The following SHBG variants were observed in gnomAD, a reference collection of about 807,000 sequenced individuals.
SHBG encodes the protein sex hormone-binding globulin.
SHBG carries 37 observed loss-of-function variants against 41.9 expected under a neutral mutation model. The ratio of observed to expected loss-of-function variants is 0.88; its 90% CI spans 0.68 to 1.16. The LOEUF (loss-of-function observed/expected upper bound fraction) is 1.16, where lower values mean the gene tolerates loss of function less well. SHBG is among the 50% of genes most tolerant of loss of function. The pLI is 0.00. For missense variants in SHBG, 466 were observed against 499.9 expected, an observed-to-expected ratio of 0.93 and a Z score of 0.65; for synonymous variants, 217 against 205.8, an observed-to-expected ratio of 1.05 and a Z score of -0.47.
At chr17:7,614,177 A>T (rs1048982858) in intron 1 of SHBG, 4 of 657,078 alleles carry the variant, frequency 6.1e-6, no homozygotes, top group Admixed American at 2.1e-5. Context: ...TCTCCTGCGG[A>T]GCGGGGAGCG....
Position 7,632,811 on chromosome 17 carries a change from C to A in SHBG, c.912C>A (p.Leu304=), listed in dbSNP as rs1412436496. 6.2e-7 allele frequency: 1 copy of A among 1,614,134 alleles called. No individual in the cohort carries two copies. The highest frequency in any genetic ancestry group is 1.1e-5 in the South Asian group (1 of 91,072). ...PGLDLPLVLG[L]PLQLKLSMSR... ...TGGATCTGCCCCTGGTCTTGGGACTCCCTCTTCAGCTGAAGCTGAGTATGT... is the reference window on the plus strand; with the variant it reads ...TGGATCTGCCCCTGGTCTTGGGACTACCTCTTCAGCTGAAGCTGAGTATGT... Residue 304 remains leucine, a synonymous_variant, in exon 7 of 8, where the codon CTC becomes CTA. Transcript: ENST00000380450.
intron 1 of SHBG, among the ~76,000 whole-genome samples, chr17:7,620,679 G>A (rs1375518904): frequency 6.6e-6 from 1 of 151,078 alleles, no homozygotes; most frequent in African/African-American, 2.4e-5. Flanking sequence ...TACCCAGGCT[G>A]GAGTGCAATG....
upstream of SHBG, chr17:7,629,995 G>T (rs945484906): frequency 2.9e-6 from 2 of 678,530 alleles, no homozygotes; most frequent in East Asian, 2.7e-5. Flanking sequence ...CCCCAGAGGG[G>T]TGATAGCTGA....
rs1223455552 is a variant in SHBG at position 7,630,412 on chromosome 17, A to G, written c.112-4A>G. ...CAGCTTTGTTTGTTTTCTCTTTCTGATAGAGTGCCCACGACCCTCCGGCTG... is the reference window on the plus strand; with the variant it reads ...CAGCTTTGTTTGTTTTCTCTTTCTGGTAGAGTGCCCACGACCCTCCGGCTG... On this transcript the variant is annotated splice_polypyrimidine_tract_variant and splice_region_variant and intron_variant, in intron 1 of 7. Transcript: ENST00000380450. The surrounding 1 kb of genome is among the most constrained non-coding windows in gnomAD (Gnocchi z 4.6). 2.5e-6 allele frequency: 4 copies of G among 1,613,594 alleles called. No homozygotes were observed. The highest frequency in any genetic ancestry group is 1.7e-5 in the Admixed American group (1 of 59,994).
intron 3 of SHBG, 41 bp from the exon 4 acceptor site, chr17:7,631,157 CAG>C: frequency 6.7e-7 from 1 of 1,497,188 alleles, no homozygotes; most frequent in Non-Finnish European, 8.9e-7. Context: ...GTGGCAGAAA[CAG>C]ATCCCAGGGG....
chr17:7,618,938 T>G (rs1284304296), intron 1 of SHBG, among the ~76,000 whole-genome samples: 1 of 152,086 alleles, frequency 6.6e-6, no homozygotes, highest in East Asian at 1.9e-4. Context: ...AGAGATTAAT[T>G]AAGGGAGAAT....
upstream of SHBG, among the ~76,000 whole-genome samples, chr17:7,625,814 C>G (rs541132889): frequency 4.6e-5 from 7 of 151,650 alleles, no homozygotes; most frequent in African/African-American, 1.7e-4. Context: ...TCACTTGAAC[C>G]CGGGAGGCGG....
intron 1 of SHBG, among the ~76,000 whole-genome samples, chr17:7,621,624 A>C (rs1030248837): frequency 2.0e-4 from 28 of 141,144 alleles, no homozygotes; most frequent in African/African-American, 6.7e-4. Flanking sequence ...AAAAAAAAAA[A>C]CCAGCTGCAT....
chr17:7,629,030 TG>T (rs1325243888), upstream of SHBG, among the ~76,000 whole-genome samples: 3 of 151,930 alleles, frequency 2.0e-5, no homozygotes, highest in Non-Finnish European at 4.4e-5. Context: ...CACTCCAGCC[TG>T]GGCAACAAAA....
chr17:7,615,419 T>C (rs2071956709), intron 1 of SHBG, among the ~76,000 whole-genome samples: 1 of 152,230 alleles, frequency 6.6e-6, no homozygotes, highest in Non-Finnish European at 1.5e-5. Context: ...CCTCTTCGCG[T>C]ATGCATCGCC....
chr17:7,619,637 C>T (rs2150956251), intron 1 of SHBG, among the ~76,000 whole-genome samples: 1 of 149,116 alleles, frequency 6.7e-6, no homozygotes, highest in South Asian at 2.1e-4. Flanking sequence ...ACCCGGGAGG[C>T]AGAGGTTGCC....
At chr17:7,618,543 G>T (rs1467960015) in intron 1 of SHBG, among the ~76,000 whole-genome samples, 1 of 152,040 alleles carries the variant, frequency 6.6e-6, no homozygotes, top group Non-Finnish European at 1.5e-5. Flanking sequence ...CTCACCTCAG[G>T]TGGGTCACCC....
chr17:7,626,512 C>T (rs1414439595), upstream of SHBG: 1 of 1,614,200 alleles, frequency 6.2e-7, no homozygotes, highest in South Asian at 1.1e-5. Flanking sequence ...CCCTCAGCTT[C>T]CGTCAGATCT....
upstream of SHBG, chr17:7,627,570 C>T (rs144967278): frequency 3.7e-6 from 6 of 1,610,044 alleles, no homozygotes; most frequent in South Asian, 6.6e-5. This position sits in a 1 kb window ranked among gnomAD's most constrained non-coding sequence, Gnocchi z 4.8. Context: ...CAGTCTTCAC[C>T]CGAATCAGCC....
Position 7,633,230 on chromosome 17 carries a change from C to T in SHBG, c.1087C>T (p.Leu363=). 2 of 1,614,090 alleles carry T rather than the reference C, an allele frequency of 1.2e-6. No individual in the cohort carries two copies. The highest frequency in any genetic ancestry group is 2.2e-5 in the South Asian group (2 of 91,078). Residue 363 remains leucine (L), a synonymous_variant, in exon 8 of 8, where the codon CTG becomes TTG. Transcript: ENST00000380450. Reference sequence around the variant, plus strand: ...AGAAGACTCTTCCACCTCTTTTTGCCTGAATGGCCTTTGGGCACAAGGTCA... The same window carrying T: ...AGAAGACTCTTCCACCTCTTTTTGCTTGAATGGCCTTTGGGCACAAGGTCA... ...PGEDSSTSFC[L]NGLWAQGQRL... is the part of the protein sequence containing the mutation.
chr17:7,628,597 A>C (rs931953554), upstream of SHBG, among the ~76,000 whole-genome samples: 3 of 151,856 alleles, frequency 2.0e-5, no homozygotes, highest in African/African-American at 7.3e-5. Flanking sequence ...AGGCATGGGC[A>C]ACCATACCTG....
intron 3 of SHBG, 82 bp from the exon 4 acceptor site, chr17:7,631,118 A>G: frequency 7.3e-7 from 1 of 1,375,248 alleles, no homozygotes; most frequent in African/African-American, 1.5e-5. Context: ...TGTTCTTTCC[A>G]CTATAGTACT....
chr17:7,628,204 G>C, upstream of SHBG: 17 of 448,066 alleles, frequency 3.8e-5, no homozygotes, highest in South Asian at 2.7e-4. Context: ...CTCTTGAGTA[G>C]CATGAAGTGT....
chr17:7,630,601 G>T lies in SHBG; in HGVS notation c.204-79G>T. On this transcript the variant is annotated intron_variant, in intron 2 of 7. Coordinates refer to ENST00000380450, the MANE Select transcript of SHBG (RefSeq NM_001040.5). This position sits in a 1 kb window ranked among gnomAD's most constrained non-coding sequence, Gnocchi z 4.6. ...TCCCTGTCTTCCTTTCCTTATCTGT[G>T]AACACCATCTCCCCCAAACCCACAC... 6.5e-7 allele frequency: 1 copy of T among 1,536,936 alleles called. No homozygotes were observed. The highest frequency in any genetic ancestry group is 1.1e-5 in the South Asian group (1 of 89,130).
Sources: allele counts gnomAD v4.1 joint callset (sites outside exome capture counted in the v4.1 genomes callset), GRCh38; gene constraint gnomAD v4.1.1; non-coding constraint Gnocchi (gnomAD v3.1); transcripts MANE v1.5; gene names NCBI Gene and HGNC (gene_info 2026-07-23, HGNC 2026-07-21).